The following SYK variants were observed in gnomAD, a reference collection of about 807,000 sequenced individuals.
The protein encoded by SYK is tyrosine-protein kinase SYK.
In SYK, 16 loss-of-function variants were observed where a neutral mutation model predicts 77.8. The ratio of observed to expected loss-of-function variants is 0.21; its 90% CI spans 0.14 to 0.31. The LOEUF (loss-of-function observed/expected upper bound fraction) is 0.31, where lower values mean the gene tolerates loss of function less well. SYK is among the 10% of genes least tolerant of loss of function. The pLI is 1.00. For synonymous variants in SYK, 312 were observed against 308.7 expected (o/e 1.01, Z -0.11); for missense variants, 529 against 814.4 (o/e 0.65, Z 4.26).
chr9:90,811,408 C>G (rs1825066088), intron 1 of SYK, among the ~76,000 whole-genome samples: 1 of 151,944 alleles, frequency 6.6e-6, no homozygotes, highest in African/African-American at 2.4e-5. Context: ...GAACCTATCA[C>G]ACATATAAAT....
Position 90,864,443 on chromosome 9 carries a change from C to T in SYK, c.718-146C>T, listed in dbSNP as rs571308561. The T allele has an allele frequency of 2.2e-3, 1,513 of 685,054 alleles. 8 individuals carry two copies. The highest frequency in any genetic ancestry group is 2.1e-3 in the Non-Finnish European group (879 of 411,760). 42.4% of individuals were successfully genotyped at this position (685,054 alleles called of 1,614,324 possible). Reference sequence around the variant, plus strand: ...CTGTGGGCCCACTTCCCCAGCCACCCTTGTGGAGTGGACTTAAGCACATAA... The same window carrying T: ...CTGTGGGCCCACTTCCCCAGCCACCTTTGTGGAGTGGACTTAAGCACATAA... On this transcript the variant is annotated intron_variant, in intron 4 of 13. Coordinates refer to ENST00000375754, the MANE Select transcript of SYK (RefSeq NM_003177.7).
intron 10 of SYK, among the ~76,000 whole-genome samples, chr9:90,878,268 C>G (rs964561212): frequency 1.3e-5 from 2 of 152,160 alleles, no homozygotes; most frequent in African/African-American, 2.4e-5. Context: ...TTCTTCTCAT[C>G]TAAAGCTGTT....
chr9:90,813,496 C>A (rs1173566085), intron 1 of SYK, among the ~76,000 whole-genome samples: 2 of 152,172 alleles, frequency 1.3e-5, no homozygotes, highest in Non-Finnish European at 2.9e-5. Context: ...CAGAAGCAGA[C>A]CAGGCCTCGG....
chr9:90,829,740 G>A (rs1564077650), intron 1 of SYK, among the ~76,000 whole-genome samples: 1 of 152,228 alleles, frequency 6.6e-6, no homozygotes, highest in Non-Finnish European at 1.5e-5. Context: ...CAATCAGTTA[G>A]ATTGTAAATT....
chr9:90,840,738 T>C (rs1294499073), intron 1 of SYK, among the ~76,000 whole-genome samples: 2 of 152,148 alleles, frequency 1.3e-5, no homozygotes, highest in African/African-American at 4.8e-5. Flanking sequence ...GAGATGAATT[T>C]TTAGAAACTT....
chr9:90,884,503 A>G lies in SYK; in HGVS notation c.1582-3246A>G, dbSNP rs1170416771. On this transcript the variant is annotated intron_variant, in intron 11 of 13. Coordinates refer to ENST00000375754, the MANE Select transcript of SYK (RefSeq NM_003177.7). ...TACACACACATACACATATGTGTAC[A>G]TGTACATACATACACATACACATAT... Among the ~76,000 whole-genome samples, 6 of 114,086 alleles carry G rather than the reference A, an allele frequency of 5.3e-5. 3 individuals carry two copies. The highest frequency in any genetic ancestry group is 2.1e-4 in the African/African-American group (6 of 28,374). 74.8% of individuals were successfully genotyped at this position (114,086 alleles called of 152,430 possible).
chr9:90,841,458 T>G lies in SYK; in HGVS notation c.-41-2400T>G, dbSNP rs902373353. Among the ~76,000 whole-genome samples the G allele has an allele frequency of 6.0e-4, 89 of 149,338 alleles. 1 individual carries two copies. Among genetic ancestry groups the G allele is most frequent in the Middle Eastern group, 7.4e-3 (2 of 270 alleles). ...GTTGTGTGTGTAGTGTGTATGTAGT[T>G]TGTGTGTGTGTGGTGTGCGTTTAGT... On this transcript the variant is annotated intron_variant, in intron 1 of 13. Transcript: ENST00000375754.
At chr9:90,829,428 C>T (rs1020343895) in intron 1 of SYK, among the ~76,000 whole-genome samples, 1 of 152,224 alleles carries the variant, frequency 6.6e-6, no homozygotes, top group Admixed American at 6.5e-5. Flanking sequence ...GAAGACCACA[C>T]TCAGGAAGAA....
intron 1 of SYK, among the ~76,000 whole-genome samples, chr9:90,829,561 G>T (rs1056864102): frequency 3.3e-5 from 5 of 152,190 alleles, no homozygotes; most frequent in African/African-American, 1.2e-4. Context: ...AAATCACGCA[G>T]TCCCCAGGAT....
chr9:90,892,313 A>G (rs1005870589), intron 13 of SYK, among the ~76,000 whole-genome samples: 2 of 152,176 alleles, frequency 1.3e-5, no homozygotes, highest in Non-Finnish European at 2.9e-5. Flanking sequence ...ACTCAGGCCC[A>G]TTGCAGCTCC....
intron 7 of SYK, among the ~76,000 whole-genome samples, chr9:90,868,939 A>G (rs531995625): frequency 5.3e-5 from 8 of 152,254 alleles, no homozygotes; most frequent in Non-Finnish European, 8.8e-5. Flanking sequence ...TTACAGTAAA[A>G]TTGCTACTAT....
intron 1 of SYK, among the ~76,000 whole-genome samples, chr9:90,803,388 ATT>A (rs150171917): frequency 6.6e-6 from 1 of 151,564 alleles, no homozygotes; most frequent in Non-Finnish European, 1.5e-5. Flanking sequence ...TTGTGGGAAG[ATT>A]TTTTTTTAAG....
chr9:90,830,863 G>A lies in SYK; in HGVS notation c.-41-12995G>A, dbSNP rs181769869. 4.1e-4 allele frequency among the ~76,000 whole-genome samples: 62 copies of A among 152,222 alleles called. 1 individual carries two copies. The East Asian group carries it at 0.01, about 26-fold the overall frequency. On this transcript the variant is annotated intron_variant, in intron 1 of 13. Transcript: ENST00000375754. ...GCCTCCCAAAGTGCTGGGATTACAA[G>A]CGTGAGCCACCACACCCGGCCTCCT... is the stretch of plus-strand genomic sequence containing the variant.
intron 6 of SYK, among the ~76,000 whole-genome samples, chr9:90,865,564 C>T (rs557980455): frequency 2.0e-5 from 3 of 152,148 alleles, no homozygotes; most frequent in Admixed American, 6.5e-5. Context: ...CTGCTTCGAC[C>T]TCCCAAAGTG....
At chr9:90,865,824 G>A (rs968101225) in intron 6 of SYK, among the ~76,000 whole-genome samples, 3 of 150,598 alleles carry the variant, frequency 2.0e-5, no homozygotes, top group Non-Finnish European at 4.4e-5. Context: ...CTGTTAGGAA[G>A]TCAGGTACAG....
chr9:90,802,179 A>C (rs968949954), intron 1 of SYK: 19 of 152,268 alleles, frequency 1.2e-4, no homozygotes, highest in African/African-American at 4.1e-4. Context: ...CAGGGCGCCC[A>C]GGCCCCCAGG....
chr9:90,864,936 T>G (rs567682504), intron 5 of SYK, 112 bp from the exon 6 acceptor site: 2 of 1,082,118 alleles, frequency 1.8e-6, no homozygotes, highest in African/African-American at 3.1e-5. Context: ...GAAAGCGTGC[T>G]CACTTCTCAA....
Position 90,895,595 on chromosome 9 carries a change from A to C in SYK, c.1903A>C (p.Asn635His), listed in dbSNP as rs1828953579. 6.2e-7 allele frequency: 1 copy of C among 1,613,972 alleles called. No individual in the cohort carries two copies. ...RLRNYYYDVV[N>H] ...GCGCAATTACTACTATGACGTGGTG[A>C]ACTAACCGCTCCCGCACCTGTCGGT... Residue 635 changes from asparagine (N) to histidine (H), a missense_variant, in exon 14 of 14, where the codon AAC (asparagine) becomes CAC (histidine). Asn to His is a moderately conservative substitution (Grantham distance 68). Transcript: ENST00000375754. This position sits in a 1 kb window ranked among gnomAD's most constrained non-coding sequence, Gnocchi z 4.4.
intron 3 of SYK, among the ~76,000 whole-genome samples, chr9:90,858,008 G>C (rs550999267): frequency 6.6e-6 from 1 of 152,184 alleles, no homozygotes; most frequent in Non-Finnish European, 1.5e-5. Flanking sequence ...TTTCTGTTCC[G>C]TCTACAGCAG....
Sources: gnomAD v4.1 joint callset for allele counts (sites outside exome capture counted in the v4.1 genomes callset) on GRCh38, gnomAD v4.1.1 for gene constraint, Gnocchi (gnomAD v3.1) non-coding constraint, MANE v1.5 for transcripts, NCBI Gene and HGNC (gene_info 2026-07-23, HGNC 2026-07-21) for gene names.